DDX17: variants seen among roughly 807,000 people sequenced by gnomAD.
DDX17 encodes the protein DEAD-box helicase 17, also known as probable ATP-dependent RNA helicase DDX17.
DDX17 carries 10 observed loss-of-function variants against 80.8 expected under a neutral mutation model. That is an observed-to-expected ratio of 0.12 (90% confidence interval 0.08 to 0.21). DDX17 has a LOEUF of 0.21. Among genes scored for constraint, DDX17 ranks in the 10% least tolerant of loss-of-function variants. The pLI, the probability that DDX17 is intolerant of heterozygous loss-of-function variation, is 1.00. For missense variants in DDX17, 586 were observed against 957.4 expected, an observed-to-expected ratio of 0.61 and a Z score of 5.12; for synonymous variants, 339 against 336.2, an observed-to-expected ratio of 1.01 and a Z score of -0.09.
chr22:38,490,079 A>G (rs2089698160), intron 11 of DDX17: 2 of 1,075,590 alleles, frequency 1.9e-6, no homozygotes, highest in Non-Finnish European at 2.3e-6. Flanking sequence ...CAAGTTCTTC[A>G]TACTAGAAAG....
chr22:38,492,197 A>G (rs2145693160), intron 10 of DDX17, 82 bp from the exon 11 acceptor site: 2 of 1,192,892 alleles, frequency 1.7e-6, no homozygotes. Flanking sequence ...AAAATTTCAA[A>G]TAATGGTGCC....
intron 11 of DDX17, chr22:38,490,183 G>C (rs2089699220): frequency 8.4e-7 from 1 of 1,197,072 alleles, no homozygotes; most frequent in Non-Finnish European, 1.1e-6. Flanking sequence ...GATGTTATCT[G>C]TGCACTGCCA....
chr22:38,496,062 G>A, intron 5 of DDX17, 125 bp from the exon 6 acceptor site: 1 of 852,416 alleles, frequency 1.2e-6, no homozygotes. Flanking sequence ...CATTAAAAGT[G>A]ATGGGGTGAA....
Position 38,501,215 on chromosome 22 carries a change from C to T in DDX17, c.353G>A (p.Arg118His), listed in dbSNP as rs1192447183. The T allele has an allele frequency of 1.4e-5, 22 of 1,613,474 alleles. No individual in the cohort carries two copies. Among genetic ancestry groups the T allele is most frequent in the Non-Finnish European group, 1.8e-5 (21 of 1,179,908 alleles). Residue 118 changes from arginine to histidine, a missense_variant, in exon 2 of 13, where the codon CGT (arginine) becomes CAT (histidine). This residue lies in a region of DDX17 where 215 missense variants were observed against 238.4 expected (regional missense o/e 0.90). Coordinates refer to ENST00000403230, the MANE Select transcript of DDX17 (RefSeq NM_006386.5). ...CTCACTCAAATCCCACTTTTTTTTACGCAAACGCTCCCCAGGATTACCAAA... is the reference window on the plus strand; with the variant it reads ...CTCACTCAAATCCCACTTTTTTTTATGCAAACGCTCCCCAGGATTACCAAA...
intron 5 of DDX17, among the ~76,000 whole-genome samples, chr22:38,496,831 C>T (rs1264710566): frequency 6.6e-6 from 1 of 152,090 alleles, no homozygotes; most frequent in East Asian, 1.9e-4. Context: ...ATATACCATT[C>T]AAATTAAATT....
At chr22:38,498,226 TAATGCATAAATAGGAAAGTGAAAAACAG>T (rs1299896297) in intron 4 of DDX17, 76 bp from the exon 5 acceptor site, 47 of 1,524,668 alleles carry the variant, frequency 3.1e-5, no homozygotes, top group Non-Finnish European at 4.1e-5. Flanking sequence ...ATTACTGAAT[TAATGCATAAATAGGAAAGTGAAAAACAG>T]AACTTACCAC....
Position 38,485,960 on chromosome 22 carries a change from G to A in DDX17, c.2165C>T (p.Pro722Leu). The A allele has an allele frequency of 6.2e-7, 1 of 1,612,960 alleles. No homozygotes were observed. The highest frequency in any genetic ancestry group is 8.5e-7 in the Non-Finnish European group (1 of 1,179,500). Residue 722 changes from proline (P) to leucine (L), a missense_variant, in exon 13 of 13, where the codon CCC becomes CTC. Coordinates refer to ENST00000403230, the MANE Select transcript of DDX17 (RefSeq NM_006386.5). ...TCATTTACGTGAAGGAGGAGGAGGG[G>A]GAGGAGGAGGAGGGTATTGGTAGGC...
At position 38,485,537 on chromosome 22, in the gene DDX17, TC is replaced by T. The variant is rs2089646507; in HGVS notation, c.*397del. ...AAAACAATTCAGCCCTCCCCCTCCC[TC>T]CCTCCCCACCAACTCAGAAAAACAA... On this transcript the variant is annotated 3_prime_UTR_variant, in exon 13 of 13. Transcript: ENST00000403230. 1 of 88,882 alleles carries T rather than the reference TC, an allele frequency of 1.1e-5. No individual in the cohort carries two copies. The allele number at this position is 88,882 out of a possible 1,614,324, so 5.5% of individuals were successfully genotyped here. A position where few individuals can be genotyped will look rare whatever the true frequency, so the allele number is the denominator to read the frequency against.
At position 38,485,155 on chromosome 22, in the gene DDX17, T is replaced by C. The variant is rs551227055; in HGVS notation, c.*780A>G. ...TCCCCAGTTAAACTGGGAAGAAATA[T>C]AGGCAGCTTCCACCCAGATGCTGAG... On this transcript the variant is annotated 3_prime_UTR_variant, in exon 13 of 13. Transcript: ENST00000403230. The C allele has an allele frequency of 2.0e-5, 3 of 152,288 alleles. No homozygotes were observed. The highest frequency in any genetic ancestry group is 4.8e-5 in the African/African-American group (2 of 41,556). The allele number at this position is 152,288 out of a possible 1,614,324, so 9.4% of individuals were successfully genotyped here. A position where few individuals can be genotyped will look rare whatever the true frequency, so the allele number is the denominator to read the frequency against.
At position 38,501,285 on chromosome 22, in the gene DDX17, G is replaced by A. The variant is rs753086737; in HGVS notation, c.288-5C>T. 2.9e-5 allele frequency: 47 copies of A among 1,600,080 alleles called. No individual in the cohort carries two copies. The highest frequency in any genetic ancestry group is 3.6e-5 in the Non-Finnish European group (42 of 1,174,694). On this transcript the variant is annotated splice_polypyrimidine_tract_variant and splice_region_variant and intron_variant, in intron 1 of 12. Transcript: ENST00000403230. Reference sequence around the variant, plus strand: ...CCACCACCTCTTGCTCCAAATCTAGGAACAGAATTTTTAGTTAGTTCATCA... The same window carrying A: ...CCACCACCTCTTGCTCCAAATCTAGAAACAGAATTTTTAGTTAGTTCATCA...
At position 38,501,359 on chromosome 22, in the gene DDX17, G is replaced by A. The variant is rs936675038; in HGVS notation, c.288-79C>T. On this transcript the variant is annotated intron_variant, in intron 1 of 12. Coordinates refer to ENST00000403230, the MANE Select transcript of DDX17 (RefSeq NM_006386.5). ...ACATGCCATAAGAATATTCAAAAAG[G>A]ATGGAGTTCTAGGGATACTACCAGC... The A allele has an allele frequency of 3.4e-6, 5 of 1,486,896 alleles. No homozygotes were observed. The African/African-American group carries it at 7.1e-5, about 21-fold the overall frequency. 92.1% of individuals were successfully genotyped at this position (1,486,896 alleles called of 1,614,324 possible). A position where few individuals can be genotyped will look rare whatever the true frequency, so the allele number is the denominator to read the frequency against.
At chr22:38,490,206 G>T in intron 11 of DDX17, 1 of 1,204,778 alleles carries the variant, frequency 8.3e-7, no homozygotes, top group Non-Finnish European at 1.1e-6. Context: ...ATATTATCTT[G>T]CTGCCTTTCT....
chr22:38,501,205 C>A lies in DDX17; in HGVS notation c.363G>T (p.Lys121Asn). Residue 121 changes from lysine (K) to asparagine (N), a missense_variant, in exon 2 of 13, where the codon AAG becomes AAT. Coordinates refer to ENST00000403230, the MANE Select transcript of DDX17 (RefSeq NM_006386.5). The stretch of plus-strand genomic sequence containing the variant: ...ACTTGGGGAGCTCACTCAAATCCCA[C>A]TTTTTTTTACGCAAACGCTCCCCAG... 1 of 1,613,324 alleles carries A rather than the reference C, an allele frequency of 6.2e-7. No homozygotes were observed. Among genetic ancestry groups the A allele is most frequent in the Non-Finnish European group, 8.5e-7 (1 of 1,179,732 alleles).
In DDX17 at chr22:38,489,635, T is replaced by C; in HGVS notation, c.1448-1520A>G. 1.0e-6 allele frequency: 1 copy of C among 982,686 alleles called. No individual in the cohort carries two copies. Among genetic ancestry groups the C allele is most frequent in the Non-Finnish European group, 1.2e-6 (1 of 827,754 alleles). 60.9% of individuals were successfully genotyped at this position (982,686 alleles called of 1,614,324 possible). A position where few individuals can be genotyped will look rare whatever the true frequency, so the allele number is the denominator to read the frequency against. ...GAAAGGGGAGATTAAAAAAAAAAAA[T>C]TAGCTGTTGTTACAGGGCTTGTGAA... On this transcript the variant is annotated intron_variant, in intron 11 of 12. Transcript: ENST00000403230. This position sits in a 1 kb window ranked among gnomAD's most constrained non-coding sequence, Gnocchi z 4.6.
At chr22:38,496,064 T>C (rs1205010933) in intron 5 of DDX17, 127 bp from the exon 6 acceptor site, 31 of 827,712 alleles carry the variant, frequency 3.7e-5, no homozygotes, top group Middle Eastern at 3.8e-4. Context: ...TTAAAAGTGA[T>C]GGGGTGAAGA....
intron 1 of DDX17, among the ~76,000 whole-genome samples, chr22:38,503,451 C>T (rs1189086074): frequency 6.6e-6 from 1 of 152,106 alleles, no homozygotes; most frequent in Non-Finnish European, 1.5e-5. Flanking sequence ...CCTTACTTCC[C>T]TGGCTATTTA....
intron 11 of DDX17, chr22:38,488,871 C>T (rs2145688066): frequency 1.0e-6 from 1 of 985,388 alleles, no homozygotes; most frequent in Non-Finnish European, 1.2e-6. Flanking sequence ...GTTATTTCAA[C>T]TCAGGACTTG....
chr22:38,493,294 A>G (rs2089730768), intron 10 of DDX17: 1 of 155,752 alleles, frequency 6.4e-6, no homozygotes, highest in Non-Finnish European at 1.4e-5. Context: ...CTCCCACCTC[A>G]ATCTCCGGAG....
intron 6 of DDX17, 38 bp from the exon 7 acceptor site, chr22:38,495,084 G>C (rs779160775): frequency 6.3e-7 from 1 of 1,591,224 alleles, no homozygotes; most frequent in Non-Finnish European, 8.5e-7. Flanking sequence ...AATCGACTAG[G>C]TGCAGTGGCT....
Sources: gnomAD v4.1 joint callset for allele counts (sites outside exome capture counted in the v4.1 genomes callset) on GRCh38, gnomAD v4.1.1 for gene constraint, gnomAD v4.1.1 regional missense constraint, Gnocchi (gnomAD v3.1) non-coding constraint, MANE v1.5 for transcripts, NCBI Gene and HGNC (gene_info 2026-07-23, HGNC 2026-07-21) for gene names.